Variants in CADPS observed in about 807,000 individuals in gnomAD.
CADPS encodes calcium dependent secretion activator.
CADPS carries 57 observed loss-of-function variants against 167.3 expected under a neutral mutation model. The ratio of observed to expected loss-of-function variants is 0.34; its 90% CI spans 0.28 to 0.42. The LOEUF is 0.42. CADPS is among the 20% of genes least tolerant of loss of function. CADPS has a pLI of 1.00. For missense variants in CADPS, 1,414 were observed against 1,738.1 expected (o/e 0.81, Z 3.32); for synonymous variants, 676 against 635.3 (o/e 1.06, Z -0.96).
intron 6 of CADPS, among the ~76,000 whole-genome samples, chr3:62,615,240 T>C (rs2062074326): frequency 2.0e-5 from 3 of 152,170 alleles, no homozygotes; most frequent in African/African-American, 7.2e-5. Context: ...TACTCAGTTT[T>C]ATTGAGATGC....
rs1563061067 is a variant in CADPS at position 62,626,561 on chromosome 3, T to C, written c.1325+19161A>G. On this transcript the variant is annotated intron_variant, in intron 6 of 29. Transcript: ENST00000383710. Reference sequence around the variant, plus strand: ...TGTGAGGCAGTTGTTCTCTTCTGTTTCTCCTGATTACCCTAGGAAGAAGTT... The same window carrying C: ...TGTGAGGCAGTTGTTCTCTTCTGTTCCTCCTGATTACCCTAGGAAGAAGTT... 4.3e-6 allele frequency: 3 copies of C among 702,686 alleles called. No individual in the cohort carries two copies. In the Admixed American group the frequency reaches 6.0e-5, roughly 14 times the overall value. The allele number at this position is 702,686 out of a possible 1,614,324, so 43.5% of individuals were successfully genotyped here.
rs144405979 is a variant in CADPS, at chr3:62,795,250, AC to A, written c.442-29267del. Among the ~76,000 whole-genome samples the A allele has an allele frequency of 5.0e-3, 760 of 152,112 alleles. 11 individuals carry two copies. Among genetic ancestry groups the A allele is most frequent in the African/African-American group, 0.017 (712 of 41,500 alleles). ...CCCTTCTGGTATCATTTTTGAAATC[AC>A]CATCTCTAAGAGGCTTGCTCTTCCT... On this transcript the variant is annotated intron_variant, in intron 1 of 29. Coordinates refer to ENST00000383710, the MANE Select transcript of CADPS (RefSeq NM_003716.4).
At chr3:62,489,597 A>T (rs1002083885) in intron 21 of CADPS, among the ~76,000 whole-genome samples, 3 of 152,188 alleles carry the variant, frequency 2.0e-5, no homozygotes, top group Non-Finnish European at 2.9e-5. Context: ...AAGTTCATAG[A>T]GGTTTGAACC....
intron 27 of CADPS, chr3:62,440,787 A>C (rs192329832): frequency 5.9e-5 from 9 of 152,334 alleles, no homozygotes; most frequent in Non-Finnish European, 1.0e-4. Context: ...CTTATGCCTG[A>C]CGGTGAGGGA....
At chr3:62,510,214 C>CTATCTATCTATG (rs2067514764) in intron 17 of CADPS, among the ~76,000 whole-genome samples, 1 of 152,018 alleles carries the variant, frequency 6.6e-6, no homozygotes, top group Non-Finnish European at 1.5e-5. Context: ...ATCTATCTAT[C>CTATCTATCTATG]TATCTATCTA....
In CADPS at chr3:62,484,819, T is replaced by A. The variant is rs148485922; in HGVS notation, c.3027-2950A>T. On this transcript the variant is annotated intron_variant, in intron 21 of 29. Transcript: ENST00000383710. ...TTCTCAAAGATTTTGGCTTTAGATT[T>A]ATGGATGGGGTTGTATTTAAGATAC... Among the ~76,000 whole-genome samples, 229 of 152,286 alleles carry A rather than the reference T, an allele frequency of 1.5e-3. 2 individuals are homozygous for A. The highest frequency in any genetic ancestry group is 2.4e-3 in the Non-Finnish European group (166 of 68,022).
rs1266959466 is a variant in CADPS at position 62,753,640 on chromosome 3, T to C, written c.689A>G (p.Lys230Arg). 6.2e-7 allele frequency: 1 copy of C among 1,614,158 alleles called. No homozygotes were observed. Among genetic ancestry groups the C allele is most frequent in the Admixed American group, 1.7e-5 (1 of 60,022 alleles). The change falls in exon 3 of 30, where the codon AAG becomes AGG. Residue 230 changes from lysine to arginine, a missense_variant. Around this residue, in one of 6 missense-constraint regions of CADPS, gnomAD observed 522 missense variants for 559.5 expected, o/e 0.93. Coordinates refer to ENST00000383710, the MANE Select transcript of CADPS (RefSeq NM_003716.4). The surrounding 1 kb of genome is among the most constrained non-coding windows in gnomAD (Gnocchi z 4.6). ...CATCCAGGAGCTCAGCACAGTCTCC[T>C]TGCTGAGGCCGTCAATCTCAGGCAG... Reference protein sequence around the residue: ...RSLPEIDGLSKETVLSSWMAK... With the variant: ...RSLPEIDGLSRETVLSSWMAK...
chr3:62,726,427 C>T (rs1157576400), intron 3 of CADPS, among the ~76,000 whole-genome samples: 1 of 151,824 alleles, frequency 6.6e-6, no homozygotes, highest in Non-Finnish European at 1.5e-5. Context: ...AGTCATACCC[C>T]TTGGACTGAA....
At chr3:62,555,419 T>C (rs2152314983) in intron 10 of CADPS, among the ~76,000 whole-genome samples, 1 of 152,354 alleles carries the variant, frequency 6.6e-6, no homozygotes, top group African/African-American at 2.4e-5. Context: ...ACCATAGCTT[T>C]GCTATAGCTG....
chr3:62,731,835 A>AAAGAAG (rs568495417), intron 3 of CADPS, among the ~76,000 whole-genome samples: 4 of 110,256 alleles, frequency 3.6e-5, no homozygotes, highest in Admixed American at 1.0e-4. Context: ...AAAAAAGTAA[A>AAAGAAG]GAAGGAAGAA....
chr3:62,426,201 A>T (rs2149505726), intron 28 of CADPS, among the ~76,000 whole-genome samples: 1 of 152,266 alleles, frequency 6.6e-6, no homozygotes, highest in East Asian at 1.9e-4. Flanking sequence ...GCCAGGCTGG[A>T]GTACAGTGGC....
chr3:62,601,199 A>G lies in CADPS; in HGVS notation c.1326-8451T>C, dbSNP rs2059914064. 1.3e-5 allele frequency among the ~76,000 whole-genome samples: 2 copies of G among 152,214 alleles called. No individual in the cohort carries two copies. The highest frequency in any genetic ancestry group is 4.1e-4 in the South Asian group (2 of 4,830). On this transcript the variant is annotated intron_variant, in intron 6 of 29. Transcript: ENST00000383710. The surrounding 1 kb of genome is among the most constrained non-coding windows in gnomAD (Gnocchi z 4.3). ...TCAAATGGCTGAAAATAATCAAAGG[A>G]ATATTTGCAACACATGAATATTATA...
intron 16 of CADPS, among the ~76,000 whole-genome samples, chr3:62,515,241 C>A (rs572029320): frequency 6.6e-6 from 1 of 152,144 alleles, no homozygotes; most frequent in South Asian, 2.1e-4. Flanking sequence ...AGAATGCGGA[C>A]ACATCGAGTT....
intron 28 of CADPS, among the ~76,000 whole-genome samples, chr3:62,427,251 T>C (rs1365838156): frequency 5.9e-5 from 9 of 152,144 alleles, no homozygotes. Flanking sequence ...TTGCTTTTTA[T>C]TTTTTAGCTC....
intron 1 of CADPS, among the ~76,000 whole-genome samples, chr3:62,836,697 A>G (rs1484008758): frequency 6.6e-6 from 1 of 152,168 alleles, no homozygotes; most frequent in Non-Finnish European, 1.5e-5. Context: ...TTTAAAGTAC[A>G]CTGTACCATG....
chr3:62,541,548 T>C (rs7622282), intron 11 of CADPS, among the ~76,000 whole-genome samples: 12,590 of 152,170 alleles, frequency 0.083, 643 homozygotes, highest in African/African-American at 0.14. Flanking sequence ...CAGGTGCACT[T>C]TCAAGCGGAA....
chr3:62,629,793 C>G (rs935317024), intron 6 of CADPS, among the ~76,000 whole-genome samples: 3 of 118,582 alleles, frequency 2.5e-5, no homozygotes, highest in African/African-American at 8.5e-5. Context: ...TTTTTCCTGT[C>G]CCTTGAATAT....
intron 3 of CADPS, among the ~76,000 whole-genome samples, chr3:62,687,686 C>A (rs11708408): frequency 0.08 from 11,742 of 147,048 alleles, 610 homozygotes; most frequent in Non-Finnish European, 0.12. Context: ...CCTTAAATTT[C>A]AACATTGTGT....
chr3:62,667,037 G>GTT (rs35606285), intron 3 of CADPS, among the ~76,000 whole-genome samples: 54,335 of 133,544 alleles, frequency 0.41, 12,376 homozygotes, highest in South Asian at 0.61. Flanking sequence ...TTCCAATCTT[G>GTT]TTTTTTTTTT....
Sources: allele counts gnomAD v4.1 joint callset (sites outside exome capture counted in the v4.1 genomes callset), GRCh38; gene constraint gnomAD v4.1.1; regional missense constraint gnomAD v4.1.1; non-coding constraint Gnocchi (gnomAD v3.1); transcripts MANE v1.5; gene names NCBI Gene and HGNC (gene_info 2026-07-23, HGNC 2026-07-21).